The following IL2RB variants were observed in gnomAD, a reference collection of about 807,000 sequenced individuals.
IL2RB encodes the protein interleukin 2 receptor subunit beta, also known as interleukin-2 receptor subunit beta.
Under a neutral mutation model 44.2 loss-of-function variants are expected in IL2RB, and 17 were observed. The ratio of observed to expected loss-of-function variants is 0.38; its 90% CI spans 0.26 to 0.58. The LOEUF (loss-of-function observed/expected upper bound fraction) is 0.58. IL2RB is among the 20% of genes least tolerant of loss of function. The pLI, the probability that IL2RB is intolerant of heterozygous loss-of-function variation, is 0.63. For synonymous variants in IL2RB, 286 were observed against 297.9 expected (o/e 0.96, Z 0.41); for missense variants, 624 against 685.5 (o/e 0.91, Z 1.00).
In IL2RB at chr22:37,127,341, C is replaced by T. The variant is rs1190997452; in HGVS notation, c.*755G>A. ...TGACAGCTTCTCCCTCCAGCACTGA[C>T]GCTAGAAGTTTCTGGCAGATTAAGG... is the stretch of plus-strand genomic sequence containing the variant. On this transcript the variant is annotated 3_prime_UTR_variant, in exon 10 of 10. Transcript: ENST00000216223. 6.6e-6 allele frequency: 1 copy of T among 152,210 alleles called. No homozygotes were observed. The highest frequency in any genetic ancestry group is 2.4e-5 in the African/African-American group (1 of 41,438). 9.4% of individuals were successfully genotyped at this position (152,210 alleles called of 1,614,324 possible). A position where few individuals can be genotyped will look rare whatever the true frequency, so the allele number is the denominator to read the frequency against.
At chr22:37,151,357 T>C (rs1922478932), upstream of IL2RB, among the ~76,000 whole-genome samples, 1 of 152,248 alleles carries the variant, frequency 6.6e-6, no homozygotes, top group Non-Finnish European at 1.5e-5. Flanking sequence ...TAAACTTATA[T>C]GTTTTCTTTT....
At chr22:37,143,406 TG>T in intron 3 of IL2RB, 114 bp downstream of exon 3, 2 of 673,468 alleles carry the variant, frequency 3.0e-6, no homozygotes, top group Non-Finnish European at 5.2e-6. Flanking sequence ...AAAAAGTCTG[TG>T]GGTCCCATTA....
upstream of IL2RB, among the ~76,000 whole-genome samples, chr22:37,151,116 G>A (rs1177282661): frequency 5.3e-5 from 8 of 152,178 alleles, no homozygotes; most frequent in Non-Finnish European, 1.2e-4. Flanking sequence ...GGATCATATA[G>A]TAGTTCTATT....
chr22:37,143,884 C>CGTGT (rs55819516), intron 2 of IL2RB, among the ~76,000 whole-genome samples: 3,768 of 139,836 alleles, frequency 0.027, 62 homozygotes, highest in African/African-American at 0.034. Context: ...CTTGGAGAGG[C>CGTGT]GTGTGTGTGT....
At chr22:37,165,863 C>G (rs887697549) in intron 1 of IL2RB, among the ~76,000 whole-genome samples, 9 of 152,096 alleles carry the variant, frequency 5.9e-5, no homozygotes, top group Admixed American at 1.3e-4. Flanking sequence ...TGAATCCAAC[C>G]GTCCACAACT....
At chr22:37,160,809 G>A (rs1922839420) in intron 1 of IL2RB, among the ~76,000 whole-genome samples, 1 of 151,854 alleles carries the variant, frequency 6.6e-6, no homozygotes, top group Admixed American at 6.6e-5. Context: ...CGTGGTGACA[G>A]AGCGAGACTG....
At chr22:37,138,090 G>A (rs564308508) in intron 5 of IL2RB, among the ~76,000 whole-genome samples, 14 of 152,294 alleles carry the variant, frequency 9.2e-5, no homozygotes, top group Admixed American at 2.0e-4. Context: ...TGTGTCCTTG[G>A]CACCTGGAAG....
At chr22:37,137,294 C>T (rs2146236809) in intron 6 of IL2RB, among the ~76,000 whole-genome samples, 1 of 152,332 alleles carries the variant, frequency 6.6e-6, no homozygotes, top group South Asian at 2.1e-4. Flanking sequence ...GGTTGGCTTC[C>T]CTGGCCTCTG....
At position 37,144,079 on chromosome 22, in the gene IL2RB, C is replaced by T. The variant is rs1187829731; in HGVS notation, c.88+6G>A. The T allele has an allele frequency of 1.3e-6, 2 of 1,551,882 alleles. No homozygotes were observed. Among genetic ancestry groups the T allele is most frequent in the Non-Finnish European group, 1.7e-6 (2 of 1,147,062 alleles). On this transcript the variant is annotated splice_donor_region_variant and intron_variant, in intron 2 of 9. Coordinates refer to ENST00000216223, the MANE Select transcript of IL2RB (RefSeq NM_000878.5). Reference sequence around the variant, plus strand: ...AGCAGAGCTGTTCAGATGTCAGGGTCCTCACCATTCACCGCTGCAGATGCC... The same window carrying T: ...AGCAGAGCTGTTCAGATGTCAGGGTTCTCACCATTCACCGCTGCAGATGCC...
chr22:37,152,204 T>C (rs1343793376), upstream of IL2RB, among the ~76,000 whole-genome samples: 1 of 152,244 alleles, frequency 6.6e-6, no homozygotes, highest in African/African-American at 2.4e-5. Flanking sequence ...TCCATAAACA[T>C]AGAATATCTT....
chr22:37,158,782 A>C (rs956062389), intron 1 of IL2RB, among the ~76,000 whole-genome samples: 3 of 152,234 alleles, frequency 2.0e-5, no homozygotes, highest in Non-Finnish European at 4.4e-5. Context: ...TGAGCCACTC[A>C]GGCAGGAATC....
chr22:37,153,750 T>C (rs948911369), upstream of IL2RB, among the ~76,000 whole-genome samples: 2 of 152,224 alleles, frequency 1.3e-5, no homozygotes, highest in African/African-American at 4.8e-5. Context: ...CTTTTCTCTA[T>C]AGACCCTTTT....
chr22:37,132,589 C>A (rs2146229531), intron 8 of IL2RB, 121 bp from the exon 9 acceptor site: 1 of 683,006 alleles, frequency 1.5e-6, no homozygotes. Flanking sequence ...TTATGTATTT[C>A]TTCCGCCGAT....
intron 4 of IL2RB, among the ~76,000 whole-genome samples, chr22:37,140,630 T>C (rs1921917642): frequency 6.6e-6 from 1 of 152,208 alleles, no homozygotes; most frequent in African/African-American, 2.4e-5. Context: ...TCAGCTACAC[T>C]GTGTGACTCC....
chr22:37,165,473 G>A (rs1299398800), intron 1 of IL2RB, among the ~76,000 whole-genome samples: 1 of 152,124 alleles, frequency 6.6e-6, no homozygotes, highest in Non-Finnish European at 1.5e-5. Context: ...TATTATCCTG[G>A]CTCAGGGCTG....
At chr22:37,162,301 G>A (rs1327422151) in intron 1 of IL2RB, among the ~76,000 whole-genome samples, 1 of 152,184 alleles carries the variant, frequency 6.6e-6, no homozygotes, top group East Asian at 1.9e-4. Context: ...AGCATTGGAT[G>A]CTCAAGGACA....
upstream of IL2RB, among the ~76,000 whole-genome samples, chr22:37,153,694 G>A (rs907849576): frequency 3.3e-5 from 5 of 152,176 alleles, no homozygotes; most frequent in African/African-American, 1.2e-4. Flanking sequence ...AGGAACGCCG[G>A]TTGTCTCAGG....
intron 1 of IL2RB, among the ~76,000 whole-genome samples, chr22:37,144,981 C>A (rs945273222): frequency 1.3e-5 from 2 of 152,106 alleles, no homozygotes; most frequent in Non-Finnish European, 2.9e-5. Flanking sequence ...AAAAAAAATT[C>A]TTGAACAAAC....
At chr22:37,161,302 G>C (rs1034203266) in intron 1 of IL2RB, among the ~76,000 whole-genome samples, 1 of 152,198 alleles carries the variant, frequency 6.6e-6, no homozygotes, top group Admixed American at 6.5e-5. Flanking sequence ...ATTGACAAAG[G>C]GACCCTCTGC....
Sources: allele counts gnomAD v4.1 joint callset (sites outside exome capture counted in the v4.1 genomes callset), GRCh38; gene constraint gnomAD v4.1.1; transcripts MANE v1.5; gene names NCBI Gene and HGNC (gene_info 2026-07-23, HGNC 2026-07-21).